VWA8: variants seen among roughly 807,000 people sequenced by gnomAD.
VWA8 encodes von Willebrand factor A domain containing 8, also known as von Willebrand factor A domain-containing protein 8.
VWA8 carries 221 observed loss-of-function variants against 241.5 expected under a neutral mutation model. The observed-to-expected ratio is 0.91, with a 90% CI of 0.82 to 1.02. The LOEUF is 1.02. Ranked by LOEUF, VWA8 falls within the 50% of genes least tolerant of loss-of-function variation. The pLI, the probability that VWA8 is intolerant of heterozygous loss-of-function variation, is 0.00. For synonymous variants in VWA8, 852 were observed against 827.1 expected (o/e 1.03, Z -0.52); for missense variants, 2,322 against 2,328.7 (o/e 1.00, Z 0.06).
At chr13:41,598,773 A>T (rs1397459698) in intron 40 of VWA8, among the ~76,000 whole-genome samples, 4 of 151,388 alleles carry the variant, frequency 2.6e-5, no homozygotes, top group Non-Finnish European at 5.9e-5. Context: ...ATGTAAAATT[A>T]ATTTTTCTTT....
At chr13:41,845,488 T>C (rs369833991) in intron 12 of VWA8, among the ~76,000 whole-genome samples, 8 of 151,956 alleles carry the variant, frequency 5.3e-5, no homozygotes, top group Admixed American at 3.9e-4. Context: ...GGAAAATAAA[T>C]AGTTCCACCA....
intron 37 of VWA8, among the ~76,000 whole-genome samples, chr13:41,647,592 T>A (rs1006845427): frequency 1.3e-5 from 2 of 152,228 alleles, no homozygotes; most frequent in African/African-American, 4.8e-5. Context: ...ATTGGGCATA[T>A]GCTGATACAC....
At chr13:41,633,922 C>G (rs922078231) in intron 37 of VWA8, among the ~76,000 whole-genome samples, 17 of 152,156 alleles carry the variant, frequency 1.1e-4, no homozygotes, top group African/African-American at 4.1e-4. Flanking sequence ...GGATGCCATT[C>G]CAACAAGTTC....
chr13:41,775,849 G>C (rs960240946), intron 20 of VWA8, among the ~76,000 whole-genome samples: 6 of 152,128 alleles, frequency 3.9e-5, no homozygotes, highest in Admixed American at 2.0e-4. Context: ...CCTTCACTCT[G>C]AATAGCTCTC....
At chr13:41,809,752 T>C (rs1426078673) in intron 17 of VWA8, among the ~76,000 whole-genome samples, 4 of 152,014 alleles carry the variant, frequency 2.6e-5, no homozygotes, top group Non-Finnish European at 5.9e-5. Context: ...ATGGGACAAA[T>C]AGGATCACAT....
chr13:41,795,696 A>G (rs1197106904), intron 17 of VWA8, among the ~76,000 whole-genome samples: 1 of 152,242 alleles, frequency 6.6e-6, no homozygotes, highest in Non-Finnish European at 1.5e-5. Context: ...ACACAGGAAC[A>G]GAGATCCAAA....
At chr13:41,733,341 G>A (rs1003723793) in intron 21 of VWA8, among the ~76,000 whole-genome samples, 3 of 152,160 alleles carry the variant, frequency 2.0e-5, no homozygotes, top group African/African-American at 7.2e-5. Flanking sequence ...CAGCTGTGGA[G>A]TAGTGCAAAG....
chr13:41,660,959 G>A (rs1019675493), intron 37 of VWA8, among the ~76,000 whole-genome samples: 10 of 151,036 alleles, frequency 6.6e-5, no homozygotes, highest in East Asian at 5.8e-4. Flanking sequence ...TCTGCATCCC[G>A]GGTTCAAGCG....
rs369325555 is a variant in VWA8 at position 41,912,147 on chromosome 13, G to T, written c.263C>A (p.Ser88Tyr). Residue 88 changes from serine (S) to tyrosine (Y), a missense_variant, in exon 3 of 45, where the codon TCT (serine) becomes TAT (tyrosine). By Grantham distance (144) the Ser-to-Tyr change is moderately radical (BLOSUM62 -2). Transcript: ENST00000379310. ...QNYISDSLAQ[S>Y]VVQHLRWIMQ... is the part of the protein sequence containing the mutation. ...TATCCATCTTAGATGCTGAACTACAGATTGAGCCAGAGAGTCTGAAACTAT... is the reference window on the plus strand; with the variant it reads ...TATCCATCTTAGATGCTGAACTACATATTGAGCCAGAGAGTCTGAAACTAT... 2.5e-6 allele frequency: 4 copies of T among 1,603,704 alleles called. No homozygotes were observed. In the African/African-American group the frequency reaches 4.0e-5, roughly 16 times the overall value.
intron 22 of VWA8, among the ~76,000 whole-genome samples, chr13:41,730,030 A>C (rs1270747727): frequency 6.6e-6 from 1 of 152,190 alleles, no homozygotes; most frequent in African/African-American, 2.4e-5. Context: ...AAATAGAGAA[A>C]GTGCCATGGG....
At chr13:41,715,413 T>C (rs1371446060) in intron 26 of VWA8, among the ~76,000 whole-genome samples, 2 of 152,040 alleles carry the variant, frequency 1.3e-5, no homozygotes, top group Non-Finnish European at 2.9e-5. Context: ...TATAAGTTTC[T>C]TAAAATGGAA....
At chr13:41,887,002 A>G (rs1874575893) in intron 6 of VWA8, among the ~76,000 whole-genome samples, 172 bp from the exon 7 acceptor site, 2 of 152,248 alleles carry the variant, frequency 1.3e-5, no homozygotes, top group African/African-American at 4.8e-5. Flanking sequence ...AGCCTTTTAA[A>G]AAAAATCCTT....
intron 17 of VWA8, 58 bp downstream of exon 17, chr13:41,811,162 ACTTAT>A: frequency 1.4e-6 from 2 of 1,396,460 alleles, no homozygotes; most frequent in South Asian, 2.5e-5. Flanking sequence ...CATCAGTTAA[ACTTAT>A]CTTATAGTTT....
At chr13:41,765,956 C>G (rs1431494806) in intron 20 of VWA8, among the ~76,000 whole-genome samples, 1 of 152,114 alleles carries the variant, frequency 6.6e-6, no homozygotes, top group South Asian at 2.1e-4. Context: ...TTCTGCTGGA[C>G]TGTGCTCTTC....
chr13:41,630,311 T>G (rs1018735685), intron 37 of VWA8, among the ~76,000 whole-genome samples: 4 of 151,886 alleles, frequency 2.6e-5, no homozygotes, highest in African/African-American at 9.7e-5. Flanking sequence ...AGCTGGACCC[T>G]TTTGCCAACC....
At chr13:41,768,719 A>C (rs1203297103) in intron 20 of VWA8, among the ~76,000 whole-genome samples, 1 of 152,176 alleles carries the variant, frequency 6.6e-6, no homozygotes, top group Non-Finnish European at 1.5e-5. Context: ...GAAGTTCATC[A>C]ATATTGGTAT....
At chr13:41,643,869 T>C (rs887846530) in intron 37 of VWA8, among the ~76,000 whole-genome samples, 3 of 145,590 alleles carry the variant, frequency 2.1e-5, no homozygotes, top group Non-Finnish European at 4.6e-5. Context: ...AGCCTTTTTC[T>C]AATTTCATAC....
intron 29 of VWA8, among the ~76,000 whole-genome samples, chr13:41,694,174 T>C (rs889606118): frequency 1.3e-5 from 2 of 151,990 alleles, no homozygotes; most frequent in Non-Finnish European, 2.9e-5. Context: ...TATAATTTAG[T>C]TAGAGAAATA....
intron 40 of VWA8, among the ~76,000 whole-genome samples, chr13:41,597,694 A>T (rs1186461599): frequency 6.6e-6 from 1 of 151,710 alleles, no homozygotes; most frequent in East Asian, 1.9e-4. Flanking sequence ...AGCTGGGAAC[A>T]TCTCGGTGTG....
Sources: allele counts gnomAD v4.1 joint callset (sites outside exome capture counted in the v4.1 genomes callset), GRCh38; gene constraint gnomAD v4.1.1; transcripts MANE v1.5; gene names NCBI Gene and HGNC (gene_info 2026-07-23, HGNC 2026-07-21).